CLDN16: variants seen among roughly 807,000 people sequenced by gnomAD.
CLDN16 encodes claudin-16.
Under a neutral mutation model 24.6 loss-of-function variants are expected in CLDN16, and 13 were observed. The ratio of observed to expected loss-of-function variants is 0.53; its 90% CI spans 0.34 to 0.84. The LOEUF (loss-of-function observed/expected upper bound fraction) is 0.84. Among genes scored for constraint, CLDN16 ranks in the 40% least tolerant of loss-of-function variants. The pLI is 0.01. For synonymous variants in CLDN16, 116 were observed against 106.7 expected, an observed-to-expected ratio of 1.09 and a Z score of -0.54; for missense variants, 298 against 292.7, an observed-to-expected ratio of 1.02 and a Z score of -0.13.
intron 1 of CLDN16, among the ~76,000 whole-genome samples, chr3:190,364,720 G>C (rs982430378): frequency 6.6e-6 from 1 of 151,832 alleles, no homozygotes; most frequent in Non-Finnish European, 1.5e-5. Context: ...CCTTTATCGT[G>C]CTGGGTCCAC....
At chr3:190,310,017 G>T in the CLDN16 span, 1 of 696,398 alleles carries the variant, frequency 1.4e-6, no homozygotes, top group South Asian at 1.6e-5. Context: ...AACTCATTTT[G>T]ACATAAGTCA....
the CLDN16 span, among the ~76,000 whole-genome samples, chr3:190,302,771 C>CAAAA: frequency 0.22 from 28,902 of 134,108 alleles, 3,319 homozygotes; most frequent in East Asian, 0.38. Context: ...AACCCTGTCT[C>CAAAA]AAAAAAAAAT....
chr3:190,305,830 A>T, the CLDN16 span: 3 of 152,204 alleles, frequency 2.0e-5, no homozygotes, highest in Non-Finnish European at 4.4e-5. Context: ...AAAAGATCAA[A>T]ATTGGATAAA....
At chr3:190,358,362 A>T (rs1717819993) in intron 1 of CLDN16, among the ~76,000 whole-genome samples, 1 of 151,974 alleles carries the variant, frequency 6.6e-6, no homozygotes, top group African/African-American at 2.4e-5. Flanking sequence ...TCTAATCATG[A>T]GTGCATTCAT....
At chr3:190,387,758 C>A (rs1008212963), upstream of CLDN16, 13 of 311,662 alleles carry the variant, frequency 4.2e-5, no homozygotes, top group South Asian at 4.0e-4. Context: ...AATGCAGACT[C>A]CCTTGAGCGA....
chr3:190,316,920 T>A, the CLDN16 span, among the ~76,000 whole-genome samples: 68,342 of 152,034 alleles, frequency 0.45, 15,951 homozygotes, highest in East Asian at 0.8. Context: ...AGGTCACTGA[T>A]AACTAGAAAC....
In CLDN16 at chr3:190,389,656, G is replaced by A. The variant is rs3774013; in HGVS notation, c.114+1213G>A. On this transcript the variant is annotated intron_variant, in intron 1 of 4. Transcript: ENST00000264734. The stretch of plus-strand genomic sequence containing the variant: ...ATAGAATTGAACTACTGTAAAGGAT[G>A]TCTGCTATAAGTGAGCCCAGTGATG... Among the ~76,000 whole-genome samples, 1,495 of 152,166 alleles carry A rather than the reference G, an allele frequency of 9.8e-3. 24 individuals carry two copies. Among genetic ancestry groups the A allele is most frequent in the African/African-American group, 0.034 (1,428 of 41,532 alleles).
intron 1 of CLDN16, among the ~76,000 whole-genome samples, chr3:190,353,482 A>G (rs1376652725): frequency 6.6e-6 from 1 of 152,074 alleles, no homozygotes; most frequent in Non-Finnish European, 1.5e-5. Flanking sequence ...GAATATGTAT[A>G]TTTAATTATT....
At chr3:190,314,077 G>A in the CLDN16 span, among the ~76,000 whole-genome samples, 14,159 of 152,156 alleles carry the variant, frequency 0.093, 1,354 homozygotes, top group African/African-American at 0.24. Context: ...TTAACAAACT[G>A]TGCTATCTTG....
At chr3:190,335,107 G>A (rs920470081) in intron 1 of CLDN16, among the ~76,000 whole-genome samples, 1 of 148,288 alleles carries the variant, frequency 6.7e-6, no homozygotes, top group Non-Finnish European at 1.5e-5. Context: ...GCAGTGGCAC[G>A]ATCTTAACTC....
chr3:190,290,651 T>C, the CLDN16 span, among the ~76,000 whole-genome samples: 1 of 152,282 alleles, frequency 6.6e-6, no homozygotes, highest in South Asian at 2.1e-4. Flanking sequence ...TAGCAATGAG[T>C]ATCTTAAAAT....
rs1560091466 is a variant in CLDN16, at chr3:190,380,144, T to TCCTTCCTTCCTTCCTTC, written n.306+5542_306+5543insCTTCCTTCCTTCCTTCC. Among the ~76,000 whole-genome samples, 26 of 12,296 alleles carry TCCTTCCTTCCTTCCTTC rather than the reference T, an allele frequency of 2.1e-3. 5 individuals are homozygous for TCCTTCCTTCCTTCCTTC. The highest frequency in any genetic ancestry group is 3.1e-3 in the Non-Finnish European group (23 of 7,402). 8.1% of individuals were successfully genotyped at this position (12,296 alleles called of 152,430 possible). On this transcript the variant is annotated intron_variant and non_coding_transcript_variant, in intron 3 of 4. Coordinates refer to the CLDN16 transcript ENST00000468220. ...CCTTCCTTTCTTCCTTCCTTCCTTT[T>TCCTTCCTTCCTTCCTTC]CTTCCTTCCCTCCCTTCCTTCCTTC...
At chr3:190,309,573 C>T in the CLDN16 span, among the ~76,000 whole-genome samples, 1 of 152,168 alleles carries the variant, frequency 6.6e-6, no homozygotes, top group African/African-American at 2.4e-5. Context: ...AATGTTGTTA[C>T]ACGAGAGCTA....
chr3:190,380,893 T>C (rs1718357241), intron 3 of CLDN16, among the ~76,000 whole-genome samples: 1 of 152,080 alleles, frequency 6.6e-6, no homozygotes, highest in Admixed American at 6.6e-5. Context: ...GAAATGGAAA[T>C]GGTTCTATAA....
At chr3:190,324,208 C>G (rs182121201) in intron 1 of CLDN16, among the ~76,000 whole-genome samples, 2 of 152,144 alleles carry the variant, frequency 1.3e-5, no homozygotes, top group Non-Finnish European at 2.9e-5. Flanking sequence ...TCAGGCCAGG[C>G]GCAGTGGCTC....
At chr3:190,385,960 GT>G (rs1718488164), upstream of CLDN16, among the ~76,000 whole-genome samples, 1 of 152,090 alleles carries the variant, frequency 6.6e-6, no homozygotes, top group South Asian at 2.1e-4. Context: ...GAATTCCTGG[GT>G]TTGCATTTAT....
chr3:190,322,460 G>T (rs1325632339), upstream of CLDN16: 1 of 552,736 alleles, frequency 1.8e-6, no homozygotes, highest in Non-Finnish European at 3.3e-6. Flanking sequence ...GAACCGCTGG[G>T]CGCCGCGATT....
At chr3:190,356,627 G>A (rs1417506048) in intron 1 of CLDN16, among the ~76,000 whole-genome samples, 1 of 151,730 alleles carries the variant, frequency 6.6e-6, no homozygotes, top group Non-Finnish European at 1.5e-5. Context: ...AATAAAGCTG[G>A]CATTTAAAAG....
At chr3:190,316,116 T>C in the CLDN16 span, among the ~76,000 whole-genome samples, 5 of 152,206 alleles carry the variant, frequency 3.3e-5, no homozygotes, top group Non-Finnish European at 7.3e-5. Context: ...CCTATCAGGT[T>C]TCATTTCTCT....
Sources: gnomAD v4.1 joint callset for allele counts (sites outside exome capture counted in the v4.1 genomes callset) on GRCh38, gnomAD v4.1.1 for gene constraint, MANE v1.5 for transcripts, NCBI Gene and HGNC (gene_info 2026-07-23, HGNC 2026-07-21) for gene names.